The following KREMEN1 variants were observed in gnomAD, a reference collection of about 807,000 sequenced individuals.
The protein encoded by KREMEN1 is kremen protein 1.
In KREMEN1, 30 loss-of-function variants were observed where a neutral mutation model predicts 46.5. The ratio of observed to expected loss-of-function variants is 0.65; its 90% CI spans 0.48 to 0.88. The LOEUF (loss-of-function observed/expected upper bound fraction) is 0.88. KREMEN1 is among the 40% of genes least tolerant of loss of function. The probability of loss-of-function intolerance (pLI) is 0.00; values close to 1 mark genes in which losing one functional copy is unlikely to be tolerated. For missense variants in KREMEN1, 533 were observed against 596.9 expected, an observed-to-expected ratio of 0.89 and a Z score of 1.11; for synonymous variants, 214 against 230.6, an observed-to-expected ratio of 0.93 and a Z score of 0.65.
rs1440302971 is a variant in KREMEN1 at position 29,146,684 on chromosome 22, G to A, written c.*4572G>A. 6.5e-6 allele frequency: 6 copies of A among 925,826 alleles called. No homozygotes were observed. The highest frequency in any genetic ancestry group is 5.0e-5 in the South Asian group (1 of 20,054). 57.4% of individuals were successfully genotyped at this position (925,826 alleles called of 1,614,324 possible). On this transcript the variant is annotated 3_prime_UTR_variant, in exon 9 of 9. Transcript: ENST00000400335. ...TTTAAAATATAAGATGAAGTGTGAC[G>A]CACTGTATACAATTTAATATATATT...
rs558180709 is a variant in KREMEN1, at chr22:29,107,227, T to C, written c.352+8274T>C. ...CCGTGTACCATTTATACTTTTTTTT[T>C]TTTTTTTTTTTTTGAGACAGAGTTT... On this transcript the variant is annotated intron_variant, in intron 3 of 8. Coordinates refer to ENST00000400335, the MANE Select transcript of KREMEN1 (RefSeq NM_001039570.3). Among the ~76,000 whole-genome samples the C allele has an allele frequency of 2.0e-5, 3 of 150,172 alleles. No individual in the cohort carries two copies. In the South Asian group the frequency reaches 6.4e-4, roughly 32 times the overall value.
intron 5 of KREMEN1, among the ~76,000 whole-genome samples, chr22:29,129,624 C>T (rs1228326088): frequency 1.3e-5 from 2 of 152,146 alleles, no homozygotes; most frequent in African/African-American, 4.8e-5. Context: ...GCGACATCTT[C>T]CTGTCCTCTG....
intron 3 of KREMEN1, among the ~76,000 whole-genome samples, chr22:29,120,638 G>A (rs974688827): frequency 5.3e-5 from 8 of 152,136 alleles, no homozygotes; most frequent in African/African-American, 1.9e-4. Context: ...GAGAGGTGCT[G>A]ACGGAAACAG....
intron 4 of KREMEN1, 145 bp from the exon 5 acceptor site, chr22:29,125,118 G>A: frequency 1.3e-6 from 1 of 760,924 alleles, no homozygotes; most frequent in East Asian, 2.5e-5. Flanking sequence ...AGTGTTGCAA[G>A]AGTGGAAGAA....
chr22:29,118,489 A>G (rs1433316224), intron 3 of KREMEN1, among the ~76,000 whole-genome samples: 1 of 152,176 alleles, frequency 6.6e-6, no homozygotes, highest in African/African-American at 2.4e-5. Context: ...TATTTCTCAT[A>G]GTTCAAGGGG....
intron 1 of KREMEN1, among the ~76,000 whole-genome samples, chr22:29,092,456 T>C (rs775548634): frequency 1.3e-5 from 2 of 152,198 alleles, no homozygotes; most frequent in Non-Finnish European, 2.9e-5. Flanking sequence ...ATTTGGATGA[T>C]GTTTATTCAT....
intron 3 of KREMEN1, among the ~76,000 whole-genome samples, chr22:29,117,610 C>CT (rs369184367): frequency 2.0e-5 from 3 of 151,940 alleles, no homozygotes; most frequent in Admixed American, 6.6e-5. Flanking sequence ...ATGCCTGTCA[C>CT]TTTGGAATTG....
At chr22:29,131,663 TACATGTATATATA>T (rs2038551153) in intron 5 of KREMEN1, among the ~76,000 whole-genome samples, 1 of 102,502 alleles carries the variant, frequency 9.8e-6, no homozygotes, top group Non-Finnish European at 2.0e-5. Flanking sequence ...TGTATATATA[TACATGTATATATA>T]TGCATATATA....
chr22:29,102,592 T>C (rs141091324), intron 3 of KREMEN1, among the ~76,000 whole-genome samples: 339 of 152,326 alleles, frequency 2.2e-3, no homozygotes, highest in African/African-American at 7.5e-3. Flanking sequence ...CTTGCATTTC[T>C]AAAATACAGT....
At chr22:29,095,226 C>T (rs1378383360) in intron 2 of KREMEN1, among the ~76,000 whole-genome samples, 5 of 152,248 alleles carry the variant, frequency 3.3e-5, no homozygotes, top group African/African-American at 1.2e-4. Flanking sequence ...GTGCCATTTA[C>T]TTCCTTTTAG....
At chr22:29,103,948 G>A (rs4508707) in intron 3 of KREMEN1, among the ~76,000 whole-genome samples, 4,563 of 152,144 alleles carry the variant, frequency 0.03, 196 homozygotes, top group African/African-American at 0.094. Context: ...AAGGGAAATA[G>A]ATGAAACAAG....
rs543752325 is a variant in KREMEN1 at position 29,142,921 on chromosome 22, G to A, written c.*809G>A. 75 of 938,630 alleles carry A rather than the reference G, an allele frequency of 8.0e-5. No homozygotes were observed. In the South Asian group the frequency reaches 2.7e-3, roughly 33 times the overall value. 58.1% of individuals were successfully genotyped at this position (938,630 alleles called of 1,614,324 possible). On this transcript the variant is annotated 3_prime_UTR_variant, in exon 9 of 9. Coordinates refer to ENST00000400335, the MANE Select transcript of KREMEN1 (RefSeq NM_001039570.3). ...TCCCAGCACTGTGGGAGGCTGAGGC[G>A]GGCAGATCACCTGAGGTCAGGAGTT...
rs8135075 is a variant in KREMEN1 at position 29,139,650 on chromosome 22, A to G, written c.1124-632A>G. On this transcript the variant is annotated intron_variant, in intron 7 of 8. Transcript: ENST00000400335. ...TAGCTGGGCGTAGTGGCACATGCCT[A>G]TAGTCTCAGCTACTCGGGAGGCTGA... 5.1e-3 allele frequency among the ~76,000 whole-genome samples: 778 copies of G among 151,170 alleles called. 6 individuals are homozygous for G. Among genetic ancestry groups the G allele is most frequent in the African/African-American group, 0.018 (755 of 41,122 alleles).
At chr22:29,100,319 G>C (rs143245078) in intron 3 of KREMEN1, among the ~76,000 whole-genome samples, 2 of 151,984 alleles carry the variant, frequency 1.3e-5, no homozygotes, top group African/African-American at 4.8e-5. Context: ...TTCTCCATGT[G>C]GTCAGGCTGG....
chr22:29,092,072 T>C (rs1024524022), intron 1 of KREMEN1, among the ~76,000 whole-genome samples: 1 of 152,130 alleles, frequency 6.6e-6, no homozygotes. Context: ...CATCATTCTT[T>C]TAAGAACTAT....
intron 5 of KREMEN1, among the ~76,000 whole-genome samples, chr22:29,132,782 T>C (rs2038582800): frequency 6.6e-6 from 1 of 152,224 alleles, no homozygotes; most frequent in South Asian, 2.1e-4. Context: ...CTGCATTTTT[T>C]TGAGTAATTT....
intron 1 of KREMEN1, among the ~76,000 whole-genome samples, chr22:29,087,891 C>T (rs1195316307): frequency 6.6e-6 from 1 of 152,152 alleles, no homozygotes; most frequent in Non-Finnish European, 1.5e-5. Flanking sequence ...AAAAGAATAC[C>T]TTGTTATAGT....
At chr22:29,094,494 A>G (rs2037849978) in intron 2 of KREMEN1, 74 bp downstream of exon 2, 1 of 1,382,246 alleles carries the variant, frequency 7.2e-7, no homozygotes. Flanking sequence ...CTTTCATCCC[A>G]GCTCACAACT....
intron 4 of KREMEN1, 152 bp downstream of exon 4, chr22:29,121,633 G>A: frequency 1.1e-6 from 1 of 927,446 alleles, no homozygotes; most frequent in Non-Finnish European, 1.6e-6. Context: ...TCTAGAATAG[G>A]CAAATCCATA....
Sources: gnomAD v4.1 joint callset for allele counts (sites outside exome capture counted in the v4.1 genomes callset) on GRCh38, gnomAD v4.1.1 for gene constraint, MANE v1.5 for transcripts, NCBI Gene and HGNC (gene_info 2026-07-23, HGNC 2026-07-21) for gene names.